ABCA13: variants seen among roughly 807,000 people sequenced by gnomAD.
ABCA13 encodes the protein ATP-binding cassette sub-family A member 13.
Under a neutral mutation model 478.7 loss-of-function variants are expected in ABCA13, and 476 were observed. The observed-to-expected ratio is 0.99, with a 90% CI of 0.92 to 1.07. The LOEUF is 1.07. Among genes scored for constraint, ABCA13 ranks in the 50% least tolerant of loss-of-function variants. ABCA13 has a pLI of 0.00. For missense variants in ABCA13, 6,060 were observed against 5,910.6 expected (o/e 1.03, Z -0.83); for synonymous variants, 2,252 against 2,158.9 (o/e 1.04, Z -1.20).
At chr7:48,195,844 G>T (rs901608831) in intron 2 of ABCA13, among the ~76,000 whole-genome samples, 4 of 152,142 alleles carry the variant, frequency 2.6e-5, no homozygotes, top group African/African-American at 9.7e-5. Flanking sequence ...AGGTATGGCA[G>T]AGTGACAGGT....
At chr7:48,568,642 T>G (rs1457661392) in intron 55 of ABCA13, among the ~76,000 whole-genome samples, 1 of 152,076 alleles carries the variant, frequency 6.6e-6, no homozygotes, top group African/African-American at 2.4e-5. Context: ...TGGGAATTTT[T>G]TTTCTCTTCT....
intron 58 of ABCA13, among the ~76,000 whole-genome samples, chr7:48,606,927 C>A (rs1454827153): frequency 1.3e-5 from 2 of 152,210 alleles, no homozygotes; most frequent in African/African-American, 4.8e-5. Context: ...GAGGAGGAAT[C>A]TAGAGAGACA....
At chr7:48,388,967 G>T in intron 36 of ABCA13, 73 bp from the exon 37 acceptor site, 1 of 1,504,970 alleles carries the variant, frequency 6.6e-7, no homozygotes, top group South Asian at 1.2e-5. Context: ...GCAGAATGCT[G>T]AATTAATAAA....
chr7:48,364,259 C>T (rs116629504), intron 31 of ABCA13, among the ~76,000 whole-genome samples: 3 of 152,118 alleles, frequency 2.0e-5, no homozygotes, highest in Non-Finnish European at 2.9e-5. Context: ...AGGCTTCTCA[C>T]GCTAGTCAAT....
At position 48,273,722 on chromosome 7, in the gene ABCA13, T is replaced by G. The variant is rs1320493017; in HGVS notation, c.4056T>G (p.Asn1352Lys). 6.2e-7 allele frequency: 1 copy of G among 1,609,194 alleles called. No homozygotes were observed. The highest frequency in any genetic ancestry group is 1.7e-4 in the Middle Eastern group (1 of 6,050). ...TTTCCTGTGCTGATATTTTCCAAAA[T>G]GTTACTGAGTGTATTTTAGAAGATG... The part of the protein sequence containing the change: ...DLFSCADIFQ[N>K]VTECILEDGF... Residue 1352 changes from asparagine to lysine, a missense_variant, in exon 17 of 62, where the codon AAT (asparagine) becomes AAG (lysine). Coordinates refer to ENST00000435803, the MANE Select transcript of ABCA13 (RefSeq NM_152701.5).
intron 41 of ABCA13, among the ~76,000 whole-genome samples, chr7:48,414,397 A>G (rs1326702377): frequency 1.3e-5 from 2 of 152,168 alleles, no homozygotes; most frequent in East Asian, 3.9e-4. Context: ...CCACCTCTAT[A>G]GCAGCAGTGC....
At chr7:48,531,157 A>G (rs1430036451) in intron 55 of ABCA13, among the ~76,000 whole-genome samples, 1 of 152,114 alleles carries the variant, frequency 6.6e-6, no homozygotes, top group East Asian at 1.9e-4. Context: ...CCTTGAGTTG[A>G]TGTTTGTATA....
chr7:48,402,744 G>A (rs1817775895), intron 38 of ABCA13, among the ~76,000 whole-genome samples: 1 of 152,204 alleles, frequency 6.6e-6, no homozygotes, highest in South Asian at 2.1e-4. Context: ...AAGCTCAACT[G>A]TCTGGAACAT....
chr7:48,248,823 G>C (rs1013003830), intron 14 of ABCA13, among the ~76,000 whole-genome samples: 3 of 152,144 alleles, frequency 2.0e-5, no homozygotes, highest in Non-Finnish European at 4.4e-5. Flanking sequence ...TTATGACTCT[G>C]TGAATTATAT....
chr7:48,627,868 G>T (rs1365177113), intron 59 of ABCA13, among the ~76,000 whole-genome samples: 1 of 152,128 alleles, frequency 6.6e-6, no homozygotes, highest in Non-Finnish European at 1.5e-5. Flanking sequence ...AGCTTGCTAT[G>T]TAACAACCCA....
At chr7:48,428,936 C>A (rs745669795) in intron 42 of ABCA13, among the ~76,000 whole-genome samples, 3 of 152,178 alleles carry the variant, frequency 2.0e-5, no homozygotes, top group Non-Finnish European at 2.9e-5. Context: ...ACTTAGCAAT[C>A]ACTCCTCAAA....
chr7:48,248,206 T>G, intron 13 of ABCA13, 33 bp from the exon 14 acceptor site: 1 of 1,359,806 alleles, frequency 7.4e-7, no homozygotes, highest in South Asian at 1.3e-5. Flanking sequence ...ATTGCTTTAT[T>G]TATTATAAGC....
intron 59 of ABCA13, chr7:48,627,078 T>G (rs1438631713): frequency 8.1e-6 from 8 of 982,284 alleles, no homozygotes; most frequent in African/African-American, 3.5e-5. Context: ...TATTACTAAA[T>G]ATAGGCAATT....
Position 48,637,474 on chromosome 7 carries a change from C to CTGGTGTGA in ABCA13, c.14838-5813_14838-5806dup, listed in dbSNP as rs1346815173. On this transcript the variant is annotated intron_variant, in intron 59 of 61. Transcript: ENST00000435803. The stretch of plus-strand genomic sequence containing the variant: ...TAGCTCTCTTGGCCTCTCAAGGTGA[C>CTGGTGTGA]TGGTGTGAGAATAGCTTGGTGGCTA... Among the ~76,000 whole-genome samples, 3 of 145,120 alleles carry CTGGTGTGA rather than the reference C, an allele frequency of 2.1e-5. No individual in the cohort carries two copies. The East Asian group carries it at 6.2e-4, about 30-fold the overall frequency.
chr7:48,585,019 A>T (rs1003707107), intron 56 of ABCA13, among the ~76,000 whole-genome samples: 1 of 151,912 alleles, frequency 6.6e-6, no homozygotes, highest in Non-Finnish European at 1.5e-5. Context: ...CATCTCTCAT[A>T]TGAGTGTTTA....
At chr7:48,440,770 C>T (rs896444443) in intron 42 of ABCA13, among the ~76,000 whole-genome samples, 11 of 151,430 alleles carry the variant, frequency 7.3e-5, no homozygotes, top group African/African-American at 1.5e-4. Context: ...GTTTTAGAAA[C>T]GATAATTTTA....
intron 58 of ABCA13, among the ~76,000 whole-genome samples, chr7:48,603,134 G>T (rs113201986): frequency 1.3e-5 from 2 of 152,172 alleles, no homozygotes; most frequent in African/African-American, 4.8e-5. Flanking sequence ...TTAGGGTTGA[G>T]ATGATGGGGT....
At chr7:48,620,993 G>A (rs1336139868) in intron 59 of ABCA13, among the ~76,000 whole-genome samples, 1 of 152,154 alleles carries the variant, frequency 6.6e-6, no homozygotes, top group Non-Finnish European at 1.5e-5. Context: ...GAGGTCCTGA[G>A]AGGAGCTGCA....
intron 48 of ABCA13, among the ~76,000 whole-genome samples, chr7:48,490,635 A>T (rs1585565978): frequency 6.6e-6 from 1 of 152,216 alleles, no homozygotes; most frequent in Non-Finnish European, 1.5e-5. Context: ...TAGCAATGCA[A>T]TAACAATTAT....
Sources: allele counts gnomAD v4.1 joint callset (sites outside exome capture counted in the v4.1 genomes callset), GRCh38; gene constraint gnomAD v4.1.1; transcripts MANE v1.5; gene names NCBI Gene and HGNC (gene_info 2026-07-23, HGNC 2026-07-21).